RANBP17: variants seen among roughly 807,000 people sequenced by gnomAD.
RANBP17 encodes the protein ran-binding protein 17.
Under a neutral mutation model 141.2 loss-of-function variants are expected in RANBP17, and 158 were observed. The observed-to-expected ratio is 1.12, with a 90% CI of 0.98 to 1.28. RANBP17 has a LOEUF of 1.28. Among genes scored for constraint, RANBP17 ranks in the 50% most tolerant of loss-of-function variants. The pLI, the probability that RANBP17 is intolerant of heterozygous loss-of-function variation, is 0.00. For synonymous variants in RANBP17, 430 were observed against 450.0 expected, an observed-to-expected ratio of 0.96 and a Z score of 0.56; for missense variants, 1,438 against 1,290.7, an observed-to-expected ratio of 1.11 and a Z score of -1.75.
At chr5:171,070,160 CA>C (rs1784551487) in intron 14 of RANBP17, among the ~76,000 whole-genome samples, 1 of 152,060 alleles carries the variant, frequency 6.6e-6, no homozygotes, top group Non-Finnish European at 1.5e-5. Flanking sequence ...GCCCAAACTT[CA>C]ATAGGACAGA....
At chr5:171,220,478 T>G (rs1309676023) in intron 21 of RANBP17, among the ~76,000 whole-genome samples, 1 of 133,776 alleles carries the variant, frequency 7.5e-6, no homozygotes, top group Non-Finnish European at 1.6e-5. Context: ...AGACAGAGTC[T>G]CACCTTGTTG....
chr5:171,157,851 A>C (rs1295689931), intron 14 of RANBP17, among the ~76,000 whole-genome samples: 1 of 152,248 alleles, frequency 6.6e-6, no homozygotes, highest in East Asian at 1.9e-4. Context: ...TACAAAATGT[A>C]AGAGCTATTT....
intron 12 of RANBP17, among the ~76,000 whole-genome samples, chr5:170,945,104 A>AGATGTTTT (rs1774644388): frequency 6.6e-6 from 1 of 152,094 alleles, no homozygotes; most frequent in Non-Finnish European, 1.5e-5. Flanking sequence ...TACTTACAGC[A>AGATGTTTT]GATGTTTTTC....
intron 13 of RANBP17, among the ~76,000 whole-genome samples, chr5:170,960,755 G>A (rs1402177679): frequency 6.6e-6 from 1 of 152,146 alleles, no homozygotes. Context: ...TGACGTCATT[G>A]TTTTTAAGAT....
In RANBP17 at chr5:170,892,480, TGGG is replaced by T; in HGVS notation, c.352_354del (p.Gly118del). On this transcript the variant is annotated inframe_deletion, in exon 4 of 28. Coordinates refer to ENST00000523189, the MANE Select transcript of RANBP17 (RefSeq NM_022897.5). The stretch of plus-strand genomic sequence containing the variant: ...CAAGTCATTGCTAAAATCACTAAGT[TGGG>T]GTGGTTTGAGGTTCAGAAAGACCAA... 3.1e-6 allele frequency: 5 copies of T among 1,614,068 alleles called. No individual in the cohort carries two copies. Among genetic ancestry groups the T allele is most frequent in the Non-Finnish European group, 4.2e-6 (5 of 1,179,938 alleles).
intron 25 of RANBP17, among the ~76,000 whole-genome samples, chr5:171,287,998 T>A (rs370475489): frequency 9.9e-5 from 15 of 152,214 alleles, no homozygotes; most frequent in African/African-American, 3.6e-4. Context: ...TAAAAAGTGT[T>A]CATTTTACTC....
intron 24 of RANBP17, among the ~76,000 whole-genome samples, chr5:171,258,105 TAA>T (rs1214285797): frequency 1.6e-4 from 19 of 119,188 alleles, no homozygotes; most frequent in South Asian, 1.1e-3. Flanking sequence ...AAACTCCATC[TAA>T]AAAAAAAAAA....
intron 14 of RANBP17, among the ~76,000 whole-genome samples, chr5:171,004,993 G>T (rs749553599): frequency 6.6e-6 from 1 of 152,042 alleles, no homozygotes; most frequent in Non-Finnish European, 1.5e-5. Context: ...GTTGCTGTCT[G>T]GCTACCCCCT....
chr5:171,133,653 G>A (rs1178937492), intron 14 of RANBP17, among the ~76,000 whole-genome samples: 2 of 152,148 alleles, frequency 1.3e-5, no homozygotes, highest in African/African-American at 4.8e-5. Context: ...ACCCATGTGG[G>A]CATAGGCTAC....
At chr5:170,903,421 A>C (rs2059180) in intron 5 of RANBP17, 96,865 of 153,170 alleles carry the variant, frequency 0.63, 31,621 homozygotes, top group South Asian at 0.9. Flanking sequence ...TTGCTGGGCT[A>C]CGTGGGGGTG....
intron 5 of RANBP17, among the ~76,000 whole-genome samples, chr5:170,907,813 GA>G (rs1432800010): frequency 6.6e-6 from 1 of 151,794 alleles, no homozygotes; most frequent in African/African-American, 2.4e-5. Flanking sequence ...ATATATTGAG[GA>G]AAGTGTTGAG....
intron 14 of RANBP17, among the ~76,000 whole-genome samples, chr5:171,058,934 G>A (rs1199287247): frequency 6.6e-6 from 1 of 151,554 alleles, no homozygotes; most frequent in African/African-American, 2.4e-5. Flanking sequence ...ATTTTTTCAT[G>A]TGTCTTTTGG....
At chr5:170,940,433 G>A (rs10068905) in intron 12 of RANBP17, among the ~76,000 whole-genome samples, 91,240 of 151,918 alleles carry the variant, frequency 0.6, 29,122 homozygotes, top group South Asian at 0.88. Context: ...TAAGAATTTC[G>A]GATTTTTGGA....
At chr5:171,103,511 A>T (rs114654511) in intron 14 of RANBP17, among the ~76,000 whole-genome samples, 2,941 of 152,242 alleles carry the variant, frequency 0.019, 92 homozygotes, top group African/African-American at 0.066. Context: ...GAGATTTTCA[A>T]GCCAGGGGAT....
At chr5:170,906,704 A>G (rs1221629622) in intron 5 of RANBP17, among the ~76,000 whole-genome samples, 2 of 151,936 alleles carry the variant, frequency 1.3e-5, no homozygotes, top group Non-Finnish European at 2.9e-5. Context: ...TTAATAGGTT[A>G]TAATTCATTG....
At chr5:170,897,282 T>G in intron 5 of RANBP17, 1 of 633,784 alleles carries the variant, frequency 1.6e-6, no homozygotes, top group Non-Finnish European at 3.1e-6. Context: ...TGTGATTGCT[T>G]GCAGTGTTTC....
At chr5:171,074,306 G>A (rs1229445147) in intron 14 of RANBP17, among the ~76,000 whole-genome samples, 2 of 152,204 alleles carry the variant, frequency 1.3e-5, no homozygotes, top group East Asian at 1.9e-4. Flanking sequence ...CTTCACAAGT[G>A]TCAAAGCCAT....
intron 14 of RANBP17, among the ~76,000 whole-genome samples, chr5:171,062,495 T>C (rs558158096): frequency 3.3e-4 from 51 of 152,332 alleles, no homozygotes; most frequent in African/African-American, 1.2e-3. Context: ...GCCCCCACTC[T>C]CTTCTGGCTT....
intron 3 of RANBP17, among the ~76,000 whole-genome samples, chr5:170,890,805 G>C (rs1407880377): frequency 2.6e-5 from 4 of 152,096 alleles, no homozygotes; most frequent in African/African-American, 9.7e-5. Flanking sequence ...TTTATTACAA[G>C]CTTGACTTTA....
Sources: allele counts gnomAD v4.1 joint callset (sites outside exome capture counted in the v4.1 genomes callset), GRCh38; gene constraint gnomAD v4.1.1; transcripts MANE v1.5; gene names NCBI Gene and HGNC (gene_info 2026-07-23, HGNC 2026-07-21).